DLEU7: variants seen among roughly 807,000 people sequenced by gnomAD.
The protein encoded by DLEU7 is deleted in lymphocytic leukemia 7.
In DLEU7, 17 loss-of-function variants were observed where a neutral mutation model predicts 16.0. The observed-to-expected ratio is 1.06, with a 90% confidence interval of 0.73 to 1.59. The LOEUF is 1.59. DLEU7 is among the 40% of genes most tolerant of loss of function. DLEU7 has a pLI of 0.00. For missense variants in DLEU7, 308 were observed against 314.9 expected (o/e 0.98, Z 0.17); for synonymous variants, 113 against 139.8 (o/e 0.81, Z 1.35).
chr13:50,789,665 G>T (rs925406813), intron 1 of DLEU7, among the ~76,000 whole-genome samples: 2 of 151,922 alleles, frequency 1.3e-5, no homozygotes, highest in Admixed American at 1.3e-4. Context: ...AGAATAACAT[G>T]TTACCTAAAC....
At chr13:50,799,442 C>T (rs192914839) in intron 1 of DLEU7, among the ~76,000 whole-genome samples, 4 of 152,164 alleles carry the variant, frequency 2.6e-5, no homozygotes, top group Admixed American at 6.5e-5. Context: ...TCACTCCAGC[C>T]GGTTGGTCAG....
intron 1 of DLEU7, among the ~76,000 whole-genome samples, chr13:50,789,770 TA>T (rs1394451732): frequency 6.6e-6 from 1 of 152,132 alleles, no homozygotes; most frequent in East Asian, 1.9e-4. Flanking sequence ...CTGAGGAAGC[TA>T]AAACCCAGTG....
chr13:50,712,903 A>G (rs566970513), exon 2 of DLEU7: 3 of 330,600 alleles, frequency 9.1e-6, no homozygotes, highest in African/African-American at 6.3e-5. Flanking sequence ...AAGAGCAAAC[A>G]GGGGTAGGGA....
intron 1 of DLEU7, among the ~76,000 whole-genome samples, chr13:50,781,686 C>T (rs12853479): frequency 0.21 from 32,000 of 152,062 alleles, 3,500 homozygotes; most frequent in Middle Eastern, 0.32. Context: ...ATCTAGACCA[C>T]GCCTGTCTTT....
intron 1 of DLEU7, among the ~76,000 whole-genome samples, chr13:50,771,671 A>G (rs1386698945): frequency 2.0e-5 from 3 of 152,104 alleles, no homozygotes; most frequent in South Asian, 2.1e-4. Context: ...GCTGAGGAGA[A>G]CTTTACTTCC....
intron 1 of DLEU7, among the ~76,000 whole-genome samples, chr13:50,831,464 A>G (rs1415149470): frequency 2.6e-5 from 4 of 152,170 alleles, no homozygotes; most frequent in African/African-American, 9.7e-5. Context: ...ACAGAAGCCA[A>G]AGTGTGGAGT....
rs180764103 is a variant in DLEU7, at chr13:50,758,807, G to A, written c.460-45567C>T. On this transcript the variant is annotated intron_variant, in intron 1 of 1. Coordinates refer to the DLEU7 transcript ENST00000400393. Reference sequence around the variant, plus strand: ...GAGAAAGAGGATACTCAAGAAAGAAGCCATAGTCTTTTTATGACTAAATCT... The same window carrying A: ...GAGAAAGAGGATACTCAAGAAAGAAACCATAGTCTTTTTATGACTAAATCT... Among the ~76,000 whole-genome samples, 331 of 152,338 alleles carry A rather than the reference G, an allele frequency of 2.2e-3. 4 individuals are homozygous for A. Among genetic ancestry groups the A allele is most frequent in the African/African-American group, 7.5e-3 (312 of 41,584 alleles).
At chr13:50,836,564 C>T (rs935817667) in intron 1 of DLEU7, among the ~76,000 whole-genome samples, 2 of 151,808 alleles carry the variant, frequency 1.3e-5, no homozygotes, top group African/African-American at 2.4e-5. Flanking sequence ...GTCCCAGCTA[C>T]TCGGGAGGCT....
intron 1 of DLEU7, among the ~76,000 whole-genome samples, chr13:50,830,232 T>A (rs7984881): frequency 0.027 from 4,100 of 152,346 alleles, 208 homozygotes; most frequent in African/African-American, 0.093. Context: ...TTTACATTTT[T>A]AAGCCAGTTG....
At chr13:50,801,755 G>T (rs1188704846) in intron 1 of DLEU7, among the ~76,000 whole-genome samples, 1 of 152,116 alleles carries the variant, frequency 6.6e-6, no homozygotes, top group Non-Finnish European at 1.5e-5. Context: ...TTTACACCAA[G>T]TTAGGGAGTT....
intron 1 of DLEU7, among the ~76,000 whole-genome samples, chr13:50,784,189 A>G (rs9596365): frequency 0.032 from 4,876 of 152,308 alleles, 272 homozygotes; most frequent in African/African-American, 0.11. Flanking sequence ...ATGTTGTATT[A>G]AGATATATTT....
At position 50,776,869 on chromosome 13, in the gene DLEU7, GT is replaced by G. The variant is rs139995175; in HGVS notation, c.460-63630del. ...TTGTAAGCAGCCTAATCAAATAATG[GT>G]TTTAAACAGAGACTACTTATTGGTG... On this transcript the variant is annotated intron_variant, in intron 1 of 1. Transcript: ENST00000400393. 4.5e-3 allele frequency among the ~76,000 whole-genome samples: 682 copies of G among 152,284 alleles called. 6 individuals carry two copies. Among genetic ancestry groups the G allele is most frequent in the African/African-American group, 0.015 (640 of 41,564 alleles).
At chr13:50,782,808 T>C (rs1053216102) in intron 1 of DLEU7, among the ~76,000 whole-genome samples, 3 of 151,916 alleles carry the variant, frequency 2.0e-5, no homozygotes, top group South Asian at 4.2e-4. Context: ...GGATAACTTC[T>C]AATCATGTCC....
At position 50,757,490 on chromosome 13, in the gene DLEU7, T is replaced by C. The variant is rs141966927; in HGVS notation, c.460-44250A>G. Among the ~76,000 whole-genome samples, 534 of 152,340 alleles carry C rather than the reference T, an allele frequency of 3.5e-3. 3 individuals carry two copies. The highest frequency in any genetic ancestry group is 0.012 in the African/African-American group (513 of 41,588). ...TTCTGAGATGTTACTTTTTCATTTC[T>C]GCTGCATGGCATTCTAGAGTTTCCC... On this transcript the variant is annotated intron_variant, in intron 1 of 1. Transcript: ENST00000400393.
intron 1 of DLEU7, among the ~76,000 whole-genome samples, chr13:50,738,597 A>G (rs186074160): frequency 4.9e-4 from 75 of 152,228 alleles, no homozygotes; most frequent in Middle Eastern, 3.4e-3. Context: ...AGTTCTTCCC[A>G]TGCCAACAAA....
intron 1 of DLEU7, among the ~76,000 whole-genome samples, chr13:50,714,633 CT>C (rs1265829892): frequency 6.6e-6 from 1 of 152,098 alleles, no homozygotes; most frequent in East Asian, 1.9e-4. Context: ...CAAGGGGAGA[CT>C]TGTAAATTAA....
chr13:50,777,216 G>A (rs780904224), intron 1 of DLEU7, among the ~76,000 whole-genome samples: 3 of 152,136 alleles, frequency 2.0e-5, no homozygotes, highest in African/African-American at 4.8e-5. Flanking sequence ...CAACTTGATC[G>A]GATTGAAGGA....
intron 1 of DLEU7, among the ~76,000 whole-genome samples, chr13:50,751,202 T>G (rs1438385740): frequency 6.6e-6 from 1 of 152,206 alleles, no homozygotes; most frequent in African/African-American, 2.4e-5. Flanking sequence ...TGATTTTTGT[T>G]TTTAATTCTG....
At position 50,753,589 on chromosome 13, in the gene DLEU7, C is replaced by T. The variant is rs1196343311; in HGVS notation, c.460-40349G>A. 3.3e-5 allele frequency among the ~76,000 whole-genome samples: 5 copies of T among 152,192 alleles called. No homozygotes were observed. The South Asian group carries it at 1.0e-3, about 31-fold the overall frequency. Reference sequence around the variant, plus strand: ...CATTGCCCGGGGCCAGCAGGGCAGGCCAGCTGCTCTGAGTGGAGTCCCCCG... The same window carrying T: ...CATTGCCCGGGGCCAGCAGGGCAGGTCAGCTGCTCTGAGTGGAGTCCCCCG... On this transcript the variant is annotated intron_variant, in intron 1 of 1. Coordinates refer to the DLEU7 transcript ENST00000400393.
Sources: gnomAD v4.1 joint callset for allele counts (sites outside exome capture counted in the v4.1 genomes callset) on GRCh38, gnomAD v4.1.1 for gene constraint, MANE v1.5 for transcripts, NCBI Gene and HGNC (gene_info 2026-07-23, HGNC 2026-07-21) for gene names.